Variants in NCOR1 observed in about 807,000 individuals in gnomAD.
NCOR1 encodes protein phosphatase 1, regulatory subunit 109.
A neutral mutation model predicts 288.1 loss-of-function variants in NCOR1; 63 were observed. The ratio of observed to expected loss-of-function variants is 0.22; its 90% CI spans 0.18 to 0.27. The LOEUF (loss-of-function observed/expected upper bound fraction) is 0.27. NCOR1 is among the 10% of genes least tolerant of loss of function. The pLI, the probability that NCOR1 is intolerant of heterozygous loss-of-function variation, is 1.00. For missense variants in NCOR1, 2,397 were observed against 3,019.2 expected (o/e 0.79, Z 4.83); for synonymous variants, 1,007 against 1,065.9 (o/e 0.94, Z 1.08).
intron 3 of NCOR1, among the ~76,000 whole-genome samples, chr17:16,182,842 TGGA>T (rs1297607786): frequency 6.6e-6 from 1 of 151,840 alleles, no homozygotes; most frequent in Non-Finnish European, 1.5e-5. Context: ...AAATTTTTAC[TGGA>T]GAAGAAAAGA....
At chr17:16,205,720 C>CT (rs1262749550) in intron 1 of NCOR1, among the ~76,000 whole-genome samples, 1 of 151,170 alleles carries the variant, frequency 6.6e-6, no homozygotes, top group African/African-American at 2.4e-5. Flanking sequence ...GGTGGATCAC[C>CT]TGAGGTCGAG....
Position 16,075,625 on chromosome 17 carries a change from T to G in NCOR1, c.3579A>C (p.Glu1193Asp), listed in dbSNP as rs749972528. The change falls in exon 27 of 46, where the codon GAA becomes GAC. Residue 1193 changes from glutamate (E) to aspartate (D), a missense_variant. Glu to Asp is a conservative substitution (Grantham distance 45, BLOSUM62 2). Around this residue, in one of 11 missense-constraint regions of NCOR1, gnomAD observed 1,872 missense variants for 2,187.8 expected, o/e 0.86. Transcript: ENST00000268712. ...VKGSISRMPI[E>D]DSSPEKGREE... ...CTCTGCCTTTCTCAGGACTGCTGTC[T>G]TCAATGGGCATTCTCGAAATGGACC... is the stretch of plus-strand genomic sequence containing the variant. 8.7e-6 allele frequency: 14 copies of G among 1,614,114 alleles called. No individual in the cohort carries two copies. Among genetic ancestry groups the G allele is most frequent in the Non-Finnish European group, 1.1e-5 (13 of 1,180,056 alleles).
intron 1 of NCOR1, among the ~76,000 whole-genome samples, chr17:16,215,156 C>G (rs2092446460): frequency 6.6e-6 from 1 of 152,242 alleles, no homozygotes; most frequent in Admixed American, 6.5e-5. Flanking sequence ...TAGCCCAGCC[C>G]GAGCTCCCCG....
At chr17:16,049,433 A>C (rs978740296) in intron 40 of NCOR1, 1 of 152,590 alleles carries the variant, frequency 6.6e-6, no homozygotes, top group African/African-American at 2.4e-5. Context: ...CTAAACTGAC[A>C]CCCAAGAAGT....
At chr17:16,115,949 A>G (rs1012088519) in intron 18 of NCOR1, among the ~76,000 whole-genome samples, 10 of 152,196 alleles carry the variant, frequency 6.6e-5, no homozygotes, top group Non-Finnish European at 1.3e-4. Flanking sequence ...CGCTGCTTAT[A>G]AAGACATACC....
chr17:16,186,189 A>C (rs1388787693), intron 3 of NCOR1, among the ~76,000 whole-genome samples: 1 of 152,158 alleles, frequency 6.6e-6, no homozygotes, highest in East Asian at 1.9e-4. Flanking sequence ...AATTACCGGA[A>C]AAACTTCGGC....
intron 42 of NCOR1, among the ~76,000 whole-genome samples, chr17:16,042,547 C>T (rs1034621735): frequency 1.3e-5 from 2 of 152,192 alleles, no homozygotes; most frequent in Non-Finnish European, 2.9e-5. Flanking sequence ...CCTGGGGCTC[C>T]ATAATTCAAC....
intron 1 of NCOR1, among the ~76,000 whole-genome samples, chr17:16,195,335 G>A (rs1474158682): frequency 2.0e-5 from 3 of 152,160 alleles, no homozygotes; most frequent in Non-Finnish European, 1.5e-5. Context: ...GCCGGGCACG[G>A]TGACATGCGT....
chr17:16,127,593 GTA>G (rs2074789719), intron 14 of NCOR1, among the ~76,000 whole-genome samples: 1 of 136,798 alleles, frequency 7.3e-6, no homozygotes, highest in Non-Finnish European at 1.5e-5. Context: ...GTGTATATAT[GTA>G]TGTATACATA....
intron 40 of NCOR1, among the ~76,000 whole-genome samples, chr17:16,054,038 A>C (rs559707401): frequency 7.3e-5 from 11 of 151,030 alleles, no homozygotes; most frequent in Admixed American, 7.2e-4. Context: ...ATATATATAA[A>C]ATTAACTCAA....
At chr17:16,097,587 G>C (rs2066870349) in intron 21 of NCOR1, among the ~76,000 whole-genome samples, 1 of 152,180 alleles carries the variant, frequency 6.6e-6, no homozygotes, top group Admixed American at 6.5e-5. Context: ...TGCTGGGAGG[G>C]AGGCAGACCT....
chr17:16,214,588 C>G (rs2092397692), intron 1 of NCOR1, among the ~76,000 whole-genome samples: 1 of 152,202 alleles, frequency 6.6e-6, no homozygotes, highest in Non-Finnish European at 1.5e-5. Flanking sequence ...TGCAACATCA[C>G]ATAAAGAAAA....
Position 16,175,368 on chromosome 17 carries a change from G to C in NCOR1, c.243-3373C>G, listed in dbSNP as rs1392502885. Among the ~76,000 whole-genome samples the C allele has an allele frequency of 2.0e-5, 3 of 150,476 alleles. No individual in the cohort carries two copies. The East Asian group carries it at 5.9e-4, about 29-fold the overall frequency. On this transcript the variant is annotated intron_variant, in intron 3 of 45. Transcript: ENST00000268712. Reference sequence around the variant, plus strand: ...CTGGGTGACAGAGCCAGACTCATTTGTCTTTTAAAAAAAAAAAAACTCTGT... The same window carrying C: ...CTGGGTGACAGAGCCAGACTCATTTCTCTTTTAAAAAAAAAAAAACTCTGT...
chr17:16,129,996 T>C (rs910913209), intron 14 of NCOR1, among the ~76,000 whole-genome samples: 10 of 152,194 alleles, frequency 6.6e-5, no homozygotes, highest in Non-Finnish European at 1.5e-5. Context: ...CAGCACCTGC[T>C]TAAACCAATC....
At chr17:16,114,203 T>C (rs910489271) in intron 18 of NCOR1, among the ~76,000 whole-genome samples, 3 of 140,558 alleles carry the variant, frequency 2.1e-5, no homozygotes, top group East Asian at 4.2e-4. Flanking sequence ...CTAAAACCAG[T>C]AGATCTCCTA....
At chr17:16,041,557 GCCCCC>G (rs377594813) in intron 42 of NCOR1, among the ~76,000 whole-genome samples, 2 of 150,780 alleles carry the variant, frequency 1.3e-5, no homozygotes, top group East Asian at 3.9e-4. Flanking sequence ...GGGATTATAG[GCCCCC>G]CGCCACCATG....
At chr17:16,166,128 A>G (rs2081960522) in intron 4 of NCOR1, among the ~76,000 whole-genome samples, 1 of 152,188 alleles carries the variant, frequency 6.6e-6, no homozygotes, top group South Asian at 2.1e-4. Context: ...CTCTAATAGT[A>G]TGCGCTGAAT....
chr17:16,213,846 C>G (rs2092348769), intron 1 of NCOR1, among the ~76,000 whole-genome samples: 1 of 152,114 alleles, frequency 6.6e-6, no homozygotes, highest in Non-Finnish European at 1.5e-5. Context: ...TATATTTTCT[C>G]CGGGGGAGTA....
chr17:16,041,746 T>C (rs1302843254), intron 42 of NCOR1, among the ~76,000 whole-genome samples: 1 of 149,340 alleles, frequency 6.7e-6, no homozygotes, highest in African/African-American at 2.5e-5. Context: ...TATTAATTAA[T>C]TTATTTTTAA....
Sources: gnomAD v4.1 joint callset for allele counts (sites outside exome capture counted in the v4.1 genomes callset) on GRCh38, gnomAD v4.1.1 for gene constraint, gnomAD v4.1.1 regional missense constraint, MANE v1.5 for transcripts, NCBI Gene and HGNC (gene_info 2026-07-23, HGNC 2026-07-21) for gene names.